RBM19: variants seen among roughly 807,000 people sequenced by gnomAD.
RBM19 encodes probable RNA-binding protein 19.
In RBM19, 94 loss-of-function variants were observed where a neutral mutation model predicts 116.8. The observed-to-expected ratio is 0.80, with a 90% CI of 0.68 to 0.95. RBM19 has a LOEUF of 0.95. RBM19 is among the 40% of genes least tolerant of loss of function. The probability of loss-of-function intolerance (pLI) is 0.00; values close to 1 mark genes in which losing one functional copy is unlikely to be tolerated. For missense variants in RBM19, 1,161 were observed against 1,220.7 expected (o/e 0.95, Z 0.73); for synonymous variants, 475 against 494.1 (o/e 0.96, Z 0.51).
chr12:113,945,210 ACAT>A (rs1363242736), intron 13 of RBM19, among the ~76,000 whole-genome samples: 2 of 152,336 alleles, frequency 1.3e-5, no homozygotes, highest in South Asian at 4.1e-4. Context: ...GTCTATCAAA[ACAT>A]CATGTTGATT....
intron 14 of RBM19, among the ~76,000 whole-genome samples, chr12:113,941,300 T>C (rs955091956): frequency 6.8e-6 from 1 of 146,334 alleles, no homozygotes; most frequent in African/African-American, 2.7e-5. Context: ...GGCCGCAGTG[T>C]TACAGTTAGA....
intron 11 of RBM19, 117 bp from the exon 12 acceptor site, chr12:113,946,592 C>CAGAG: frequency 7.2e-7 from 1 of 1,396,948 alleles, no homozygotes; most frequent in Non-Finnish European, 9.9e-7. Flanking sequence ...AAACCCTGAC[C>CAGAG]AGAGGGTGGG....
downstream of RBM19, among the ~76,000 whole-genome samples, chr12:113,819,117 TGA>T (rs1463824991): frequency 2.6e-5 from 4 of 152,164 alleles, no homozygotes; most frequent in African/African-American, 9.7e-5. Context: ...GCCAGGCCCC[TGA>T]GACCCACAGC....
At position 113,959,316 on chromosome 12, in the gene RBM19, G is replaced by C. The variant is rs746949393; in HGVS notation, c.467C>G (p.Ala156Gly). The C allele has an allele frequency of 4.6e-5, 74 of 1,613,938 alleles. No homozygotes were observed. Among genetic ancestry groups the C allele is most frequent in the Non-Finnish European group, 6.0e-5 (71 of 1,179,952 alleles). The change falls in exon 5 of 24, where the codon GCT (alanine) becomes GGT (glycine). Residue 156 changes from alanine to glycine, a missense_variant. Physicochemically the swap from Ala to Gly is moderately conservative, Grantham distance 60 (BLOSUM62 0). Coordinates refer to ENST00000261741, the MANE Select transcript of RBM19 (RefSeq NM_016196.4). Reference sequence around the variant, plus strand: ...CTTGCTCTTCCCTTTCGAGGGCTCAGCATCCAGGCCATCATTCGCCCAAGT... The same window carrying C: ...CTTGCTCTTCCCTTTCGAGGGCTCACCATCCAGGCCATCATTCGCCCAAGT... ...AATWANDGLD[A>G]EPSKGKSKPA...
At chr12:113,859,035 T>A in intron 21 of RBM19, 139 bp from the exon 22 acceptor site, 2 of 729,672 alleles carry the variant, frequency 2.7e-6, no homozygotes, top group Non-Finnish European at 4.6e-6. Flanking sequence ...CGCTCACACA[T>A]GTCAGCTCAG....
intron 21 of RBM19, among the ~76,000 whole-genome samples, chr12:113,872,317 C>T (rs1246066035): frequency 6.7e-6 from 1 of 148,442 alleles, no homozygotes; most frequent in Non-Finnish European, 1.5e-5. Flanking sequence ...AGTGAGGAGC[C>T]CCTCCGCCCG....
intron 23 of RBM19, among the ~76,000 whole-genome samples, chr12:113,828,153 T>C (rs1875044548): frequency 6.7e-6 from 1 of 148,732 alleles, no homozygotes. Context: ...GGCCTCCCAC[T>C]GTGGGCCCAC....
Position 113,942,410 on chromosome 12 carries a change from G to A in RBM19, c.1651C>T (p.Arg551Cys), listed in dbSNP as rs116927430. 2,640 of 1,608,026 alleles carry A rather than the reference G, an allele frequency of 1.6e-3. 2 individuals carry two copies. Among genetic ancestry groups the A allele is most frequent in the Non-Finnish European group, 1.9e-3 (2,284 of 1,179,748 alleles). ...AGCTGGGTTTCCCCCAGAGCCACGCGCACGGCCACGCTGCCCTTGGTCTCC... is the reference window on the plus strand; with the variant it reads ...AGCTGGGTTTCCCCCAGAGCCACGCACACGGCCACGCTGCCCTTGGTCTCC... ...DHETKGSVAVRVALGETQLVQ... is the reference protein window; with the variant it reads ...DHETKGSVAVCVALGETQLVQ... The change falls in exon 14 of 24, where the codon CGC becomes TGC. Residue 551 changes from arginine to cysteine, a missense_variant. Physicochemically the swap from Arg to Cys is radical, Grantham distance 180 (BLOSUM62 -3). Coordinates refer to ENST00000261741, the MANE Select transcript of RBM19 (RefSeq NM_016196.4).
intron 13 of RBM19, among the ~76,000 whole-genome samples, chr12:113,942,934 G>A (rs879893347): frequency 1.8e-4 from 27 of 152,140 alleles, no homozygotes; most frequent in Non-Finnish European, 3.1e-4. Flanking sequence ...GGCTTCCCAG[G>A]TCTCTCACAG....
rs971797535 is a variant in RBM19, at chr12:113,898,755, C to T, written c.2558+16214G>A. Reference sequence around the variant, plus strand: ...ATTAGTATTACTGACGTAAAAGAACCGAAACAGATTATAGATCTGGACCTG... The same window carrying T: ...ATTAGTATTACTGACGTAAAAGAACTGAAACAGATTATAGATCTGGACCTG... On this transcript the variant is annotated intron_variant, in intron 21 of 23. Transcript: ENST00000261741. This position sits in a 1 kb window ranked among gnomAD's most constrained non-coding sequence, Gnocchi z 4.3. 2.0e-5 allele frequency among the ~76,000 whole-genome samples: 3 copies of T among 152,244 alleles called. No homozygotes were observed. Among genetic ancestry groups the T allele is most frequent in the Non-Finnish European group, 4.4e-5 (3 of 68,034 alleles).
intron 19 of RBM19, among the ~76,000 whole-genome samples, chr12:113,919,588 T>TA (rs1475723029): frequency 6.6e-6 from 1 of 152,032 alleles, no homozygotes; most frequent in East Asian, 1.9e-4. Flanking sequence ...AAGAAGAACT[T>TA]ATAGCTGGTG....
Position 113,959,064 on chromosome 12 carries a change from T to C in RBM19, c.571+148A>G, listed in dbSNP as rs751401496. 1.8e-5 allele frequency: 13 copies of C among 732,476 alleles called. No individual in the cohort carries two copies. The South Asian group carries it at 2.1e-4, about 12-fold the overall frequency. 45.4% of individuals were successfully genotyped at this position (732,476 alleles called of 1,614,324 possible). A position where few individuals can be genotyped will look rare whatever the true frequency, so the allele number is the denominator to read the frequency against. ...CACAACTAGGATCAGTGAAGACAGA[T>C]GCACCTGCAGAGGGATCATCACCCC... On this transcript the variant is annotated intron_variant, in intron 5 of 23. Coordinates refer to ENST00000261741, the MANE Select transcript of RBM19 (RefSeq NM_016196.4).
intron 21 of RBM19, among the ~76,000 whole-genome samples, chr12:113,900,230 A>G (rs1039254990): frequency 6.6e-6 from 1 of 152,180 alleles, no homozygotes; most frequent in African/African-American, 2.4e-5. Context: ...TTTTTTAAGG[A>G]GGCAAACTAA....
At chr12:113,827,612 A>G (rs1874991077) in intron 23 of RBM19, among the ~76,000 whole-genome samples, 1 of 151,934 alleles carries the variant, frequency 6.6e-6, no homozygotes, top group African/African-American at 2.4e-5. Context: ...GCCGGGGGAG[A>G]AGAGCGTGGC....
chr12:113,931,868 T>C (rs12228712), intron 16 of RBM19, among the ~76,000 whole-genome samples: 13,442 of 152,250 alleles, frequency 0.088, 684 homozygotes, highest in East Asian at 0.17. Flanking sequence ...TCTGCTTTCT[T>C]CTTTTCAGAG....
Position 113,952,513 on chromosome 12 carries a change from T to C in RBM19, c.999A>G (p.Thr333=). The C allele has an allele frequency of 6.2e-7, 1 of 1,612,388 alleles. No individual in the cohort carries two copies. Among genetic ancestry groups the C allele is most frequent in the Non-Finnish European group, 8.5e-7 (1 of 1,178,530 alleles). The change falls in exon 8 of 24, where the codon ACA becomes ACG. Residue 333 remains threonine, a splice_region_variant and synonymous_variant. Coordinates refer to ENST00000261741, the MANE Select transcript of RBM19 (RefSeq NM_016196.4). ...ACCTGGAAACATCCTGGATCTTACCTGTTTTATTCCCATGAGCGTTTCTCA... is the reference window on the plus strand; with the variant it reads ...ACCTGGAAACATCCTGGATCTTACCCGTTTTATTCCCATGAGCGTTTCTCA... ...RIVRNAHGNK[T]GYIFVDFSNE...
intron 21 of RBM19, among the ~76,000 whole-genome samples, chr12:113,866,305 G>A (rs2135755792): frequency 6.6e-6 from 1 of 152,132 alleles, no homozygotes; most frequent in East Asian, 1.9e-4. Flanking sequence ...TAGATTCCAA[G>A]AAAGTGAAAA....
chr12:113,959,969 C>T (rs1316225186), intron 3 of RBM19, 66 bp from the exon 4 acceptor site: 7 of 1,613,542 alleles, frequency 4.3e-6, no homozygotes, highest in African/African-American at 1.3e-5. Context: ...CAGAACTGCA[C>T]TGACCTGGGA....
chr12:113,855,350 C>T (rs536669862), intron 22 of RBM19, among the ~76,000 whole-genome samples: 1 of 152,362 alleles, frequency 6.6e-6, no homozygotes, highest in African/African-American at 2.4e-5. Context: ...TTCTCCATTC[C>T]TGTTCCAGCC....
Sources: allele counts gnomAD v4.1 joint callset (sites outside exome capture counted in the v4.1 genomes callset), GRCh38; gene constraint gnomAD v4.1.1; non-coding constraint Gnocchi (gnomAD v3.1); transcripts MANE v1.5; gene names NCBI Gene and HGNC (gene_info 2026-07-23, HGNC 2026-07-21).